Variants in NATD1 observed in about 807,000 individuals in gnomAD.
NATD1 encodes protein NATD1.
NATD1 carries 9 observed loss-of-function variants against 12.0 expected under a neutral mutation model. The observed-to-expected ratio is 0.75, with a 90% CI of 0.45 to 1.30. NATD1 has a LOEUF of 1.30. Among genes scored for constraint, NATD1 ranks in the 50% most tolerant of loss-of-function variants. The pLI, the probability that NATD1 is intolerant of heterozygous loss-of-function variation, is 0.00. For synonymous variants in NATD1, 71 were observed against 65.9 expected (o/e 1.08, Z -0.37); for missense variants, 148 against 148.5 (o/e 1.00, Z 0.02).
At chr17:21,251,515 G>C (rs781164870) in intron 1 of NATD1, among the ~76,000 whole-genome samples, 1 of 152,150 alleles carries the variant, frequency 6.6e-6, no homozygotes, top group African/African-American at 2.4e-5. Flanking sequence ...CTGCCTGGTG[G>C]TGTAGGGTTG....
In NATD1 at chr17:21,244,156, C is replaced by T. The variant is rs754113833; in HGVS notation, c.175G>A (p.Glu59Lys). Residue 59 changes from glutamate to lysine, a missense_variant, in exon 2 of 3, where the codon GAG becomes AAG. By Grantham distance (56) the Glu-to-Lys change is moderately conservative. Coordinates refer to ENST00000611551, the MANE Select transcript of NATD1 (RefSeq NM_152914.3). This position sits in a 1 kb window ranked among gnomAD's most constrained non-coding sequence, Gnocchi z 5.2. ...GKRIVDLQHT[E>K]VPDAYRGRGI... ...CGCCCACGGTAGGCATCTGGGACCTCGGTGTGCTGCAGGTCCACGATCCGC... is the reference window on the plus strand; with the variant it reads ...CGCCCACGGTAGGCATCTGGGACCTTGGTGTGCTGCAGGTCCACGATCCGC... 2.5e-6 allele frequency: 4 copies of T among 1,613,136 alleles called. No individual in the cohort carries two copies. The highest frequency in any genetic ancestry group is 3.4e-6 in the Non-Finnish European group (4 of 1,179,844).
At chr17:21,247,293 A>G (rs1396738557) in intron 1 of NATD1, among the ~76,000 whole-genome samples, 1 of 152,200 alleles carries the variant, frequency 6.6e-6, no homozygotes, top group Non-Finnish European at 1.5e-5. Flanking sequence ...CCAGACACAC[A>G]CTAGGGCCTT....
intron 1 of NATD1, among the ~76,000 whole-genome samples, chr17:21,249,477 CG>C (rs1567646134): frequency 6.6e-6 from 1 of 152,152 alleles, no homozygotes; most frequent in Non-Finnish European, 1.5e-5. Context: ...ACACAGCCAG[CG>C]GCCTCATATT....
chr17:21,245,321 T>C (rs1302224330), intron 1 of NATD1, among the ~76,000 whole-genome samples: 1 of 152,176 alleles, frequency 6.6e-6, no homozygotes, highest in African/African-American at 2.4e-5. Context: ...TGGGCGCCAC[T>C]AGAAGGCCCT....
Position 21,244,314 on chromosome 17 carries a change from T to A in NATD1, c.107-90A>T. ...CGGGTGGAGGGACAGGCATTTGGAG[T>A]CATTCAGCTGCTACAGCTGAATCCT... On this transcript the variant is annotated intron_variant, in intron 1 of 2. Transcript: ENST00000611551. The surrounding 1 kb of genome is among the most constrained non-coding windows in gnomAD (Gnocchi z 5.2). The A allele has an allele frequency of 9.2e-7, 1 of 1,090,956 alleles. No homozygotes were observed. Among genetic ancestry groups the A allele is most frequent in the African/African-American group, 1.6e-5 (1 of 63,398 alleles). The allele number at this position is 1,090,956 out of a possible 1,614,324, so 67.6% of individuals were successfully genotyped here.
intron 1 of NATD1, among the ~76,000 whole-genome samples, chr17:21,246,838 G>A (rs1477613045): frequency 6.6e-6 from 1 of 152,170 alleles, no homozygotes; most frequent in Non-Finnish European, 1.5e-5. Flanking sequence ...GGTATGAGCC[G>A]CCCACTGGTG....
chr17:21,246,171 A>G (rs1290830313), intron 1 of NATD1, among the ~76,000 whole-genome samples: 1 of 152,216 alleles, frequency 6.6e-6, no homozygotes, highest in African/African-American at 2.4e-5. Context: ...ACTCTTCCTC[A>G]TGGAGATCTT....
At position 21,244,223 on chromosome 17, in the gene NATD1, TCCTGGGGGTTGTGGAGA is replaced by T; in HGVS notation, c.107-16_107del. ...AGAGCAGGACGGCCCGGTCATGACA[TCCTGGGGGTTGTGGAGA>T]CAGGTAAGCCTATGCTGACTCCCAT... On this transcript the variant is annotated splice_acceptor_variant and splice_polypyrimidine_tract_variant and coding_sequence_variant and intron_variant, in exon 2 of 3. Coordinates refer to ENST00000611551, the MANE Select transcript of NATD1 (RefSeq NM_152914.3). LOFTEE classifies it high-confidence loss of function. This position sits in a 1 kb window ranked among gnomAD's most constrained non-coding sequence, Gnocchi z 5.2. The T allele has an allele frequency of 6.2e-7, 1 of 1,610,404 alleles. No individual in the cohort carries two copies. Among genetic ancestry groups the T allele is most frequent in the Non-Finnish European group, 8.5e-7 (1 of 1,178,330 alleles).
chr17:21,246,111 C>T (rs769831966), intron 1 of NATD1, among the ~76,000 whole-genome samples: 3 of 152,150 alleles, frequency 2.0e-5, no homozygotes, highest in Non-Finnish European at 4.4e-5. Flanking sequence ...CTACTGTGTC[C>T]CAGTAGGGTT....
chr17:21,243,592 C>G (rs927767921), intron 2 of NATD1, among the ~76,000 whole-genome samples, 163 bp from the exon 3 acceptor site: 1 of 152,178 alleles, frequency 6.6e-6, no homozygotes. Context: ...TCCCCACAGA[C>G]TGGTCCGGTA....
Position 21,238,942 on chromosome 17 carries a change from A to T in NATD1, c.*4371T>A, listed in dbSNP as rs982561773. ...TGATACAACTGAAAACATAACCCTA[A>T]ATTTGATTCTGCAGGTTGCAGTTAC... On this transcript the variant is annotated 3_prime_UTR_variant, in exon 3 of 3. Transcript: ENST00000611551. 6.6e-6 allele frequency: 1 copy of T among 152,100 alleles called. No individual in the cohort carries two copies. The highest frequency in any genetic ancestry group is 2.4e-5 in the African/African-American group (1 of 41,412). 9.4% of individuals were successfully genotyped at this position (152,100 alleles called of 1,614,324 possible). A position where few individuals can be genotyped will look rare whatever the true frequency, so the allele number is the denominator to read the frequency against.
chr17:21,251,724 C>G (rs901148586), intron 1 of NATD1, among the ~76,000 whole-genome samples: 21 of 152,214 alleles, frequency 1.4e-4, no homozygotes, highest in Admixed American at 2.0e-4. Flanking sequence ...TGGCAGAGGC[C>G]CCTCCTGGCT....
rs781066455 is a variant in NATD1, at chr17:21,243,373, G to A, written c.282C>T (p.Tyr94=). 1.2e-6 allele frequency: 2 copies of A among 1,613,570 alleles called. No individual in the cohort carries two copies. Among genetic ancestry groups the A allele is most frequent in the Non-Finnish European group, 1.7e-6 (2 of 1,179,988 alleles). Reference sequence around the variant, plus strand: ...GGTTCTCCTTGACGTACTTCTGGATGTACCAGCAGGTGAGATGGGCCTTCA... The same window carrying A: ...GGTTCTCCTTGACGTACTTCTGGATATACCAGCAGGTGAGATGGGCCTTCA... ...EDLKAHLTCW[Y]IQKYVKENPL... The change falls in exon 3 of 3, where the codon TAC becomes TAT. Residue 94 remains tyrosine (Y), a synonymous_variant. Coordinates refer to ENST00000611551, the MANE Select transcript of NATD1 (RefSeq NM_152914.3).
intron 1 of NATD1, among the ~76,000 whole-genome samples, chr17:21,247,563 C>T (rs1243651884): frequency 6.6e-6 from 1 of 152,196 alleles, no homozygotes; most frequent in African/African-American, 2.4e-5. Flanking sequence ...TGGTGGTGAT[C>T]ATCCCGGGAC....
chr17:21,244,759 C>T lies in NATD1; in HGVS notation c.107-535G>A, dbSNP rs919876731. Among the ~76,000 whole-genome samples the T allele has an allele frequency of 2.5e-4, 38 of 152,234 alleles. No individual in the cohort carries two copies. Among genetic ancestry groups the T allele is most frequent in the African/African-American group, 8.2e-4 (34 of 41,466 alleles). ...TGTGGTAGAGTTCATGAGAAACTGA[C>T]GCTGGGCACAGGAGGCAGGAACAAA... On this transcript the variant is annotated intron_variant, in intron 1 of 2. Transcript: ENST00000611551. The surrounding 1 kb of genome is among the most constrained non-coding windows in gnomAD (Gnocchi z 5.2).
rs994000397 is a variant in NATD1 at position 21,244,486 on chromosome 17, C to A, written c.107-262G>T. Among the ~76,000 whole-genome samples, 13 of 152,222 alleles carry A rather than the reference C, an allele frequency of 8.5e-5. No homozygotes were observed. The highest frequency in any genetic ancestry group is 2.0e-4 in the Admixed American group (3 of 15,296). On this transcript the variant is annotated intron_variant, in intron 1 of 2. Coordinates refer to ENST00000611551, the MANE Select transcript of NATD1 (RefSeq NM_152914.3). The surrounding 1 kb of genome is among the most constrained non-coding windows in gnomAD (Gnocchi z 5.2). Reference sequence around the variant, plus strand: ...TAGAACACTTGAGCCCCACATGAACCTTTGCTACTGCGTCAGTCCTAGCAT... The same window carrying A: ...TAGAACACTTGAGCCCCACATGAACATTTGCTACTGCGTCAGTCCTAGCAT...
chr17:21,245,555 G>A (rs1333821756), intron 1 of NATD1, among the ~76,000 whole-genome samples: 1 of 152,156 alleles, frequency 6.6e-6, no homozygotes, highest in Non-Finnish European at 1.5e-5. Flanking sequence ...TCTCCCCAAA[G>A]CCTCAGGAGA....
At position 21,244,124 on chromosome 17, in the gene NATD1, G is replaced by A; in HGVS notation, c.207C>T (p.Ile69=). 4 of 1,612,474 alleles carry A rather than the reference G, an allele frequency of 2.5e-6. No homozygotes were observed. The highest frequency in any genetic ancestry group is 2.7e-5 in the African/African-American group (2 of 75,010). The part of the protein sequence containing the change: ...EVPDAYRGRG[I]AKHLAKAALD... ...GCCCTACCTTGGCAAGGTGCTTGGCGATGCCACGCCCACGGTAGGCATCTG... is the reference window on the plus strand; with the variant it reads ...GCCCTACCTTGGCAAGGTGCTTGGCAATGCCACGCCCACGGTAGGCATCTG... The change falls in exon 2 of 3, where the codon ATC becomes ATT. Residue 69 remains isoleucine (I), a synonymous_variant. Transcript: ENST00000611551. The surrounding 1 kb of genome is among the most constrained non-coding windows in gnomAD (Gnocchi z 5.2).
rs1465822251 is a variant in NATD1 at position 21,244,451 on chromosome 17, C to T, written c.107-227G>A. Among the ~76,000 whole-genome samples, 3 of 152,154 alleles carry T rather than the reference C, an allele frequency of 2.0e-5. No homozygotes were observed. Among genetic ancestry groups the T allele is most frequent in the African/African-American group, 7.2e-5 (3 of 41,436 alleles). ...TGAGGTAACCTCTGTGACGTGCTTA[C>T]AGCCATGCCTAGAACACTTGAGCCC... On this transcript the variant is annotated intron_variant, in intron 1 of 2. Coordinates refer to ENST00000611551, the MANE Select transcript of NATD1 (RefSeq NM_152914.3). This position sits in a 1 kb window ranked among gnomAD's most constrained non-coding sequence, Gnocchi z 5.2.
Sources: gnomAD v4.1 joint callset for allele counts (sites outside exome capture counted in the v4.1 genomes callset) on GRCh38, gnomAD v4.1.1 for gene constraint, Gnocchi (gnomAD v3.1) non-coding constraint, MANE v1.5 for transcripts, NCBI Gene and HGNC (gene_info 2026-07-23, HGNC 2026-07-21) for gene names.